ADARB2: variants seen among roughly 807,000 people sequenced by gnomAD.
ADARB2 encodes adenosine deaminase RNA specific B2 (inactive), also known as inactive double-stranded RNA-specific editase B2.
ADARB2 carries 25 observed loss-of-function variants against 62.2 expected under a neutral mutation model. That is an observed-to-expected ratio of 0.40 (90% confidence interval 0.29 to 0.56). The LOEUF (loss-of-function observed/expected upper bound fraction) is 0.56, where lower values mean the gene tolerates loss of function less well. Ranked by LOEUF, ADARB2 falls within the 20% of genes least tolerant of loss-of-function variation. ADARB2 has a pLI of 0.43. For missense variants in ADARB2, 1,071 were observed against 1,077.4 expected (o/e 0.99, Z 0.08); for synonymous variants, 572 against 500.8 (o/e 1.14, Z -1.90).
At chr10:1,572,453 G>A (rs1027776549) in intron 1 of ADARB2, among the ~76,000 whole-genome samples, 6 of 152,148 alleles carry the variant, frequency 3.9e-5, no homozygotes, top group South Asian at 2.1e-4. Context: ...AGGAACTGAC[G>A]GTGGGTGCCC....
chr10:1,724,239 G>A (rs1835135052), intron 1 of ADARB2, among the ~76,000 whole-genome samples: 2 of 152,172 alleles, frequency 1.3e-5, no homozygotes, highest in South Asian at 4.1e-4. Context: ...TTCTGCTGCT[G>A]GCTTTTCAGC....
chr10:1,614,284 G>A (rs1833604390), intron 1 of ADARB2, among the ~76,000 whole-genome samples: 1 of 152,164 alleles, frequency 6.6e-6, no homozygotes, highest in Admixed American at 6.5e-5. Flanking sequence ...GCTTTAAAAA[G>A]CAAAATAGAT....
Position 1,705,475 on chromosome 10 carries a change from G to A in ADARB2, c.100+31576C>T, listed in dbSNP as rs78133420. ...AGCAGGAGGAGAGGCGGCAGATGGGGTGAGAAGGGCTGCAAGGCCAGGTAG... is the reference window on the plus strand; with the variant it reads ...AGCAGGAGGAGAGGCGGCAGATGGGATGAGAAGGGCTGCAAGGCCAGGTAG... On this transcript the variant is annotated intron_variant, in intron 1 of 9. Transcript: ENST00000381312. Among the ~76,000 whole-genome samples the A allele has an allele frequency of 0.014, 2,181 of 152,340 alleles. 138 individuals carry two copies. In the East Asian group the frequency reaches 0.18, roughly 13 times the overall value.
chr10:1,376,995 T>C (rs1249266209), intron 2 of ADARB2, among the ~76,000 whole-genome samples: 1 of 116,610 alleles, frequency 8.6e-6, no homozygotes, highest in Non-Finnish European at 1.8e-5. Context: ...GTGTGGTGCG[T>C]CCCTGGGGTG....
At chr10:1,214,716 A>G (rs1357658114) in intron 7 of ADARB2, among the ~76,000 whole-genome samples, 1 of 152,280 alleles carries the variant, frequency 6.6e-6, no homozygotes, top group Admixed American at 6.5e-5. Flanking sequence ...GGGCACCAAG[A>G]GAATTTCAGT....
At chr10:1,717,533 CTTCCTTCCTTTCCTTT>C (rs1168647431) in intron 1 of ADARB2, among the ~76,000 whole-genome samples, 19 of 118,910 alleles carry the variant, frequency 1.6e-4, no homozygotes, top group African/African-American at 4.9e-4. Context: ...CCTTTCTTTC[CTTCCTTCCTTTCCTTT>C]TTCCTTCCTT....
At chr10:1,243,888 T>C (rs1464677165) in intron 4 of ADARB2, among the ~76,000 whole-genome samples, 7 of 151,702 alleles carry the variant, frequency 4.6e-5, no homozygotes, top group African/African-American at 1.7e-4. Context: ...TCCTGTTGTC[T>C]ACCCACTGCC....
chr10:1,650,013 A>C (rs181295415), intron 1 of ADARB2, among the ~76,000 whole-genome samples: 6 of 152,266 alleles, frequency 3.9e-5, no homozygotes, highest in Admixed American at 3.3e-4. Flanking sequence ...CCTTTTCATA[A>C]CTACAAACCC....
intron 1 of ADARB2, chr10:1,675,419 C>T (rs1321708419): frequency 2.4e-5 from 23 of 969,876 alleles, no homozygotes; most frequent in East Asian, 1.3e-4. Flanking sequence ...TTAAGGGATC[C>T]GTGGATGTTC....
At chr10:1,615,332 G>A (rs1180165719) in intron 1 of ADARB2, among the ~76,000 whole-genome samples, 1 of 152,156 alleles carries the variant, frequency 6.6e-6, no homozygotes, top group African/African-American at 2.4e-5. Context: ...AAGTGTGCCT[G>A]CCCCTCCCCA....
intron 1 of ADARB2, among the ~76,000 whole-genome samples, chr10:1,722,274 C>T (rs12218057): frequency 0.023 from 3,428 of 152,292 alleles, 95 homozygotes; most frequent in East Asian, 0.11. Context: ...TATTATTGTG[C>T]ATGCAGATTT....
At chr10:1,372,499 A>T (rs1406565088) in intron 2 of ADARB2, among the ~76,000 whole-genome samples, 1 of 152,146 alleles carries the variant, frequency 6.6e-6, no homozygotes, top group African/African-American at 2.4e-5. Flanking sequence ...GAAATGACCT[A>T]TCAAATGTTG....
Position 1,506,875 on chromosome 10 carries a change from G to A in ADARB2, c.101-127715C>T, listed in dbSNP as rs573702961. On this transcript the variant is annotated intron_variant, in intron 1 of 9. Coordinates refer to ENST00000381312, the MANE Select transcript of ADARB2 (RefSeq NM_018702.4). ...AGTGCCCTTCTAAGGAAAAACGTGA[G>A]GGCCCTGGTTTCGTCCCTCTCCGAT... 5.9e-5 allele frequency among the ~76,000 whole-genome samples: 9 copies of A among 152,326 alleles called. 1 individual carries two copies. In the South Asian group the frequency reaches 1.9e-3, roughly 32 times the overall value.
At chr10:1,251,504 A>T (rs1341805241) in intron 4 of ADARB2, among the ~76,000 whole-genome samples, 1 of 152,208 alleles carries the variant, frequency 6.6e-6, no homozygotes, top group Non-Finnish European at 1.5e-5. Flanking sequence ...TGGTGGATCC[A>T]TGTCATTATA....
At chr10:1,328,008 C>CTCACAGCTCAGCGCCTCCTCACAGTTCA (rs1589193928) in intron 3 of ADARB2, among the ~76,000 whole-genome samples, 1 of 151,528 alleles carries the variant, frequency 6.6e-6, no homozygotes. Flanking sequence ...AAGGCGCCTC[C>CTCACAGCTCAGCGCCTCCTCACAGTTCA]GCATTCTGGG....
chr10:1,390,929 T>C (rs1832564478), intron 1 of ADARB2, among the ~76,000 whole-genome samples: 1 of 152,196 alleles, frequency 6.6e-6, no homozygotes, highest in African/African-American at 2.4e-5. Flanking sequence ...TAAATCGGCT[T>C]AGGTCAGCAA....
At chr10:1,381,157 T>C (rs559897627) in intron 1 of ADARB2, among the ~76,000 whole-genome samples, 26 of 125,186 alleles carry the variant, frequency 2.1e-4, no homozygotes, top group Non-Finnish European at 1.9e-4. Flanking sequence ...GACACACACA[T>C]ATATATTTGT....
intron 1 of ADARB2, among the ~76,000 whole-genome samples, chr10:1,389,453 C>T (rs1461054869): frequency 6.6e-6 from 1 of 152,160 alleles, no homozygotes; most frequent in Non-Finnish European, 1.5e-5. Context: ...CAAATCTCCA[C>T]TTATAAAAAG....
chr10:1,442,448 T>G (rs1830917863), intron 1 of ADARB2, among the ~76,000 whole-genome samples: 1 of 152,162 alleles, frequency 6.6e-6, no homozygotes, highest in African/African-American at 2.4e-5. Flanking sequence ...ACAGGCCTGC[T>G]AGAGATGGCC....
Sources: allele counts gnomAD v4.1 joint callset (sites outside exome capture counted in the v4.1 genomes callset), GRCh38; gene constraint gnomAD v4.1.1; transcripts MANE v1.5; gene names NCBI Gene and HGNC (gene_info 2026-07-23, HGNC 2026-07-21).